NRXN3: variants seen among roughly 807,000 people sequenced by gnomAD.
NRXN3 encodes neurexin III.
In NRXN3, 32 loss-of-function variants were observed where a neutral mutation model predicts 137.6. That is an observed-to-expected ratio of 0.23 (90% CI 0.18 to 0.31). The LOEUF is 0.31. NRXN3 is among the 10% of genes least tolerant of loss of function. The pLI, the probability that NRXN3 is intolerant of heterozygous loss-of-function variation, is 1.00. For synonymous variants in NRXN3, 798 were observed against 784.5 expected, an observed-to-expected ratio of 1.02 and a Z score of -0.29; for missense variants, 1,574 against 2,062.5, an observed-to-expected ratio of 0.76 and a Z score of 4.59.
intron 10 of NRXN3, among the ~76,000 whole-genome samples, chr14:78,930,042 A>G (rs1279212524): frequency 6.6e-6 from 1 of 152,182 alleles, no homozygotes; most frequent in Non-Finnish European, 1.5e-5. Flanking sequence ...TTCTTTAAAT[A>G]GATGGCATGA....
At chr14:79,449,135 T>C (rs1032054720) in intron 15 of NRXN3, among the ~76,000 whole-genome samples, 1 of 152,210 alleles carries the variant, frequency 6.6e-6, no homozygotes, top group East Asian at 1.9e-4. Context: ...AGGGAATTGC[T>C]CTGCATTCAT....
rs750253420 is a variant in NRXN3, at chr14:78,369,607, C to T, written c.757+71747C>T. 5.1e-4 allele frequency among the ~76,000 whole-genome samples: 77 copies of T among 152,134 alleles called. 1 individual carries two copies. The highest frequency in any genetic ancestry group is 1.3e-4 in the Admixed American group (2 of 15,280). ...TTTAAATGGAATAGTGTATTAACCA[C>T]CCTAGGTGATGTGTTTTAACAGTTA... On this transcript the variant is annotated intron_variant, in intron 4 of 20. Transcript: ENST00000335750.
chr14:79,584,734 G>C (rs984936140), intron 16 of NRXN3, among the ~76,000 whole-genome samples: 12 of 152,156 alleles, frequency 7.9e-5, no homozygotes, highest in Non-Finnish European at 2.9e-5. Context: ...GGCTTGGAGT[G>C]ACAATAGAAG....
intron 4 of NRXN3, among the ~76,000 whole-genome samples, chr14:78,409,355 GT>G (rs2092691338): frequency 6.6e-6 from 1 of 152,222 alleles, no homozygotes; most frequent in African/African-American, 2.4e-5. Context: ...CTTGTTAAGT[GT>G]CTTGCCTGAA....
chr14:78,912,884 A>C (rs1437160789), intron 10 of NRXN3, among the ~76,000 whole-genome samples: 2 of 152,194 alleles, frequency 1.3e-5, no homozygotes, highest in Non-Finnish European at 2.9e-5. Flanking sequence ...GGCCCTGTCC[A>C]TATCTATATA....
intron 10 of NRXN3, among the ~76,000 whole-genome samples, chr14:78,812,460 G>A (rs145685247): frequency 6.6e-6 from 1 of 152,246 alleles, no homozygotes; most frequent in African/African-American, 2.4e-5. Context: ...AGACTTATTT[G>A]GAGAACAGGG....
chr14:79,023,078 C>G (rs1309221408), intron 15 of NRXN3, among the ~76,000 whole-genome samples: 1 of 148,426 alleles, frequency 6.7e-6, no homozygotes, highest in Non-Finnish European at 1.5e-5. Context: ...TTGAGGTCAT[C>G]AGGATGGACA....
intron 8 of NRXN3, among the ~76,000 whole-genome samples, chr14:78,742,059 G>A (rs147837158): frequency 7.4e-4 from 112 of 152,226 alleles, no homozygotes; most frequent in Middle Eastern, 3.4e-3. Flanking sequence ...AACAAATCAG[G>A]TTGTCAAAAT....
At chr14:79,831,631 ACT>A in intron 20 of NRXN3, among the ~76,000 whole-genome samples, 1 of 152,008 alleles carries the variant, frequency 6.6e-6, no homozygotes, top group Non-Finnish European at 1.5e-5. Flanking sequence ...CAGCTCCATC[ACT>A]CTAAGAAATG....
intron 16 of NRXN3, among the ~76,000 whole-genome samples, chr14:79,509,737 G>T (rs572726133): frequency 1.3e-5 from 2 of 151,690 alleles, no homozygotes; most frequent in Non-Finnish European, 2.9e-5. Flanking sequence ...ATCATACTCC[G>T]TAAATATATA....
chr14:78,749,946 TTTCTC>T (rs1567211238), intron 8 of NRXN3, among the ~76,000 whole-genome samples: 1 of 152,334 alleles, frequency 6.6e-6, no homozygotes, highest in East Asian at 1.9e-4. Flanking sequence ...CTCAAGCAAT[TTTCTC>T]TATCTGAAGA....
At chr14:79,537,279 G>T (rs966439920) in intron 16 of NRXN3, among the ~76,000 whole-genome samples, 5 of 151,200 alleles carry the variant, frequency 3.3e-5, no homozygotes, top group African/African-American at 4.9e-5. Flanking sequence ...GTGTCTGTTC[G>T]TGTCCTTTGC....
At chr14:78,833,959 C>T (rs1216843667) in intron 10 of NRXN3, among the ~76,000 whole-genome samples, 2 of 152,140 alleles carry the variant, frequency 1.3e-5, no homozygotes. Flanking sequence ...TCATTAGCAA[C>T]TCAACAAATA....
rs543515866 is a variant in NRXN3, at chr14:78,477,714, A to C, written c.758-167406A>C. Among the ~76,000 whole-genome samples the C allele has an allele frequency of 3.9e-5, 6 of 152,374 alleles. No individual in the cohort carries two copies. The East Asian group carries it at 1.2e-3, about 29-fold the overall frequency. On this transcript the variant is annotated intron_variant, in intron 4 of 20. Coordinates refer to ENST00000335750, the MANE Select transcript of NRXN3 (RefSeq NM_001330195.2). ...TCTTATGATAAAAATGTTTGAATATATCTGAAAAATCTTTCTTAAATCCTA... is the reference window on the plus strand; with the variant it reads ...TCTTATGATAAAAATGTTTGAATATCTCTGAAAAATCTTTCTTAAATCCTA...
chr14:78,917,870 A>G (rs1213837231), intron 10 of NRXN3, among the ~76,000 whole-genome samples: 1 of 152,078 alleles, frequency 6.6e-6, no homozygotes, highest in Admixed American at 6.6e-5. Context: ...TATTCTCCTA[A>G]TGTACATTAC....
intron 20 of NRXN3, among the ~76,000 whole-genome samples, chr14:79,816,315 G>A (rs975443382): frequency 6.6e-5 from 10 of 152,106 alleles, no homozygotes; most frequent in South Asian, 4.2e-4. Flanking sequence ...ATTTTGACAC[G>A]CTCCTTTGTG....
chr14:78,671,958 A>G (rs186310359), intron 6 of NRXN3, among the ~76,000 whole-genome samples: 1 of 152,346 alleles, frequency 6.6e-6, no homozygotes, highest in East Asian at 1.9e-4. Flanking sequence ...TGCATTTTTA[A>G]CAGTGATATG....
chr14:79,515,568 G>A, intron 16 of NRXN3, among the ~76,000 whole-genome samples: 1 of 142,416 alleles, frequency 7.0e-6, no homozygotes, highest in East Asian at 1.9e-4. Flanking sequence ...ATAAAGAGTA[G>A]TTTCTTACAT....
intron 15 of NRXN3, among the ~76,000 whole-genome samples, chr14:79,065,677 CTCT>C (rs1311125006): frequency 2.6e-5 from 4 of 152,066 alleles, no homozygotes; most frequent in Admixed American, 2.6e-4. Flanking sequence ...GTTCTCTCTC[CTCT>C]TCTTATGGTT....
Sources: allele counts gnomAD v4.1 joint callset (sites outside exome capture counted in the v4.1 genomes callset), GRCh38; gene constraint gnomAD v4.1.1; transcripts MANE v1.5; gene names NCBI Gene and HGNC (gene_info 2026-07-23, HGNC 2026-07-21).